The following BLTP3B variants were observed in gnomAD, a reference collection of about 807,000 sequenced individuals.
BLTP3B encodes the protein bridge-like lipid transfer protein family member 3B.
At chr12:100,075,498 T>C in the BLTP3B span, among the ~76,000 whole-genome samples, 1 of 152,046 alleles carries the variant, frequency 6.6e-6, no homozygotes, top group African/African-American at 2.4e-5. Flanking sequence ...TGAGACCTCA[T>C]TGGAGAGCTT....
At chr12:100,116,301 A>G in the BLTP3B span, among the ~76,000 whole-genome samples, 2 of 151,986 alleles carry the variant, frequency 1.3e-5, no homozygotes, top group Non-Finnish European at 2.9e-5. Flanking sequence ...CAAAAAATTA[A>G]AAGTTAGCTA....
chr12:100,112,927 C>T, the BLTP3B span, among the ~76,000 whole-genome samples: 4 of 150,922 alleles, frequency 2.7e-5, no homozygotes, highest in African/African-American at 9.7e-5. Flanking sequence ...TCCCAGCACT[C>T]TGGGAGGCTG....
At chr12:100,052,489 A>T in the BLTP3B span, among the ~76,000 whole-genome samples, 1 of 152,182 alleles carries the variant, frequency 6.6e-6, no homozygotes, top group Non-Finnish European at 1.5e-5. Context: ...AATTAAAATT[A>T]AAAATAATAA....
chr12:100,121,739 G>A, the BLTP3B span, among the ~76,000 whole-genome samples: 5 of 151,544 alleles, frequency 3.3e-5, no homozygotes, highest in East Asian at 5.9e-4. Context: ...TGAGGCAGGA[G>A]AATTGCTTGA....
At chr12:100,057,561 A>G in the BLTP3B span, 6 of 1,600,294 alleles carry the variant, frequency 3.7e-6, no homozygotes, top group South Asian at 2.3e-5. Context: ...AAGCCGTATC[A>G]TAACTTTACC....
At chr12:100,099,991 TA>T in the BLTP3B span, among the ~76,000 whole-genome samples, 250 of 141,980 alleles carry the variant, frequency 1.8e-3, 1 homozygote, top group East Asian at 4.5e-3. Context: ...TATAAATTAT[TA>T]AAAAAAAAAA....
chr12:100,081,445 C>A, the BLTP3B span, among the ~76,000 whole-genome samples: 1 of 152,096 alleles, frequency 6.6e-6, no homozygotes, highest in Non-Finnish European at 1.5e-5. Context: ...TCAGGGGGTA[C>A]ATGTGCAGGT....
At chr12:100,130,982 GGAGAGAGAGAGAGAGAGAGA>G in the BLTP3B span, among the ~76,000 whole-genome samples, 13 of 62,220 alleles carry the variant, frequency 2.1e-4, no homozygotes, top group East Asian at 4.8e-4. Flanking sequence ...AGAGAGGGAG[GGAGAGAGAGAGAGAGAGAGA>G]GAGAGAGAGA....
chr12:100,115,163 C>T, the BLTP3B span, among the ~76,000 whole-genome samples: 7 of 151,992 alleles, frequency 4.6e-5, no homozygotes, highest in African/African-American at 9.7e-5. Flanking sequence ...CTCAGCACTT[C>T]GGAAGGCCAA....
the BLTP3B span, among the ~76,000 whole-genome samples, chr12:100,063,600 G>A: frequency 2.0e-5 from 3 of 151,908 alleles, no homozygotes; most frequent in African/African-American, 4.8e-5. Flanking sequence ...CAACTACTCG[G>A]GAGGCTGAGG....
the BLTP3B span, among the ~76,000 whole-genome samples, chr12:100,119,720 T>A: frequency 6.6e-6 from 1 of 152,120 alleles, no homozygotes; most frequent in African/African-American, 2.4e-5. Context: ...ACCAGAATGA[T>A]GTTACAGCCA....
chr12:100,056,436 A>C, the BLTP3B span, among the ~76,000 whole-genome samples: 1 of 152,106 alleles, frequency 6.6e-6, no homozygotes, highest in Non-Finnish European at 1.5e-5. Flanking sequence ...TTACATCAAT[A>C]ATACATATTA....
the BLTP3B span, chr12:100,088,906 T>A: frequency 3.9e-6 from 6 of 1,531,166 alleles, no homozygotes; most frequent in Non-Finnish European, 5.2e-6. Flanking sequence ...AATAAGCAAG[T>A]TATTTTACCT....
the BLTP3B span, among the ~76,000 whole-genome samples, chr12:100,053,784 A>G: frequency 1.3e-5 from 2 of 152,148 alleles, no homozygotes; most frequent in African/African-American, 2.4e-5. Flanking sequence ...AGGGATTTCC[A>G]TATTATCTGG....
At chr12:100,125,771 G>T in the BLTP3B span, among the ~76,000 whole-genome samples, 905 of 152,224 alleles carry the variant, frequency 5.9e-3, 9 homozygotes, top group African/African-American at 0.021. Flanking sequence ...TTAGGCTCTT[G>T]GGAAATTTAA....
At chr12:100,045,484 T>C in the BLTP3B span, among the ~76,000 whole-genome samples, 1 of 152,158 alleles carries the variant, frequency 6.6e-6, no homozygotes, top group South Asian at 2.1e-4. Flanking sequence ...GGGAAAGGAT[T>C]CCCTATTTAA....
chr12:100,077,516 T>C, the BLTP3B span, among the ~76,000 whole-genome samples: 2 of 152,324 alleles, frequency 1.3e-5, no homozygotes, highest in South Asian at 2.1e-4. Flanking sequence ...GACCAGCACA[T>C]TGTAGGATTT....
At chr12:100,071,384 C>T in the BLTP3B span, among the ~76,000 whole-genome samples, 1 of 151,268 alleles carries the variant, frequency 6.6e-6, no homozygotes, top group Non-Finnish European at 1.5e-5. Flanking sequence ...GTAGTCCCAG[C>T]TACTCGGAAG....
chr12:100,054,471 AAAT>A, the BLTP3B span, among the ~76,000 whole-genome samples: 2 of 152,158 alleles, frequency 1.3e-5, no homozygotes, highest in Admixed American at 1.3e-4. Context: ...TAATTATTAG[AAAT>A]AATAAAATCA....
Sources: gnomAD v4.1 joint callset for allele counts (sites outside exome capture counted in the v4.1 genomes callset) on GRCh38, gnomAD v4.1.1 for gene constraint, MANE v1.5 for transcripts, NCBI Gene and HGNC (gene_info 2026-07-23, HGNC 2026-07-21) for gene names.